Variants in RERE observed in about 807,000 individuals in gnomAD.
RERE encodes arginine-glutamic acid dipeptide repeats.
In RERE, 40 loss-of-function variants were observed where a neutral mutation model predicts 146.1. That is an observed-to-expected ratio of 0.27 (90% confidence interval 0.21 to 0.36). The LOEUF is 0.36. Ranked by LOEUF, RERE falls within the 10% of genes least tolerant of loss-of-function variation. The probability of loss-of-function intolerance (pLI) is 1.00; values close to 1 mark genes in which losing one functional copy is unlikely to be tolerated. For missense variants in RERE, 1,933 were observed against 2,138.7 expected, an observed-to-expected ratio of 0.90 and a Z score of 1.90; for synonymous variants, 1,003 against 866.0, an observed-to-expected ratio of 1.16 and a Z score of -2.78.
intron 1 of RERE, among the ~76,000 whole-genome samples, chr1:8,685,277 A>G (rs577552819): frequency 1.3e-5 from 2 of 152,358 alleles, no homozygotes; most frequent in African/African-American, 2.4e-5. Flanking sequence ...GAAGCATTTT[A>G]TATTTGCTAA....
At chr1:8,754,310 TC>T (rs1473080253) in intron 1 of RERE, among the ~76,000 whole-genome samples, 1 of 152,112 alleles carries the variant, frequency 6.6e-6, no homozygotes, top group Non-Finnish European at 1.5e-5. Context: ...CGTTTCAGCT[TC>T]CCAGAAGATT....
chr1:8,796,256 T>C (rs890595199), intron 1 of RERE, among the ~76,000 whole-genome samples: 9 of 152,114 alleles, frequency 5.9e-5, no homozygotes, highest in Admixed American at 3.9e-4. Context: ...AGCCAGGAAA[T>C]AGCCTTCAAG....
chr1:8,363,866 C>G, intron 15 of RERE, 190 bp downstream of exon 15: 2 of 609,902 alleles, frequency 3.3e-6, no homozygotes, highest in South Asian at 4.0e-5. Flanking sequence ...ACCCTGGGGC[C>G]CCTCGAAGGA....
chr1:8,735,796 C>T (rs754712336), intron 1 of RERE, among the ~76,000 whole-genome samples: 1 of 152,166 alleles, frequency 6.6e-6, no homozygotes. Context: ...TGTGAAGATG[C>T]CTGCTCCAGC....
intron 1 of RERE, among the ~76,000 whole-genome samples, chr1:8,686,105 C>T (rs2895941): frequency 0.83 from 125,696 of 151,918 alleles, 52,218 homozygotes; most frequent in East Asian, 0.94. Context: ...CCTCAGACTC[C>T]CAAGTAGCTG....
chr1:8,810,068 C>T (rs371127954), intron 1 of RERE, among the ~76,000 whole-genome samples: 2 of 151,690 alleles, frequency 1.3e-5, no homozygotes, highest in East Asian at 3.9e-4. Context: ...TGCAGTGGAG[C>T]GATCTCAGCT....
rs2784735 is a variant in RERE, at chr1:8,361,032, C to A, written c.2475G>T (p.Pro825=). 2.8e-6 allele frequency: 4 copies of A among 1,430,350 alleles called. No homozygotes were observed. The African/African-American group carries it at 5.8e-5, about 21-fold the overall frequency. 88.6% of individuals were successfully genotyped at this position (1,430,350 alleles called of 1,614,324 possible). Residue 825 remains proline, a synonymous_variant, in exon 18 of 23, where the codon CCG becomes CCT. Coordinates refer to ENST00000400908, the MANE Select transcript of RERE (RefSeq NM_001042681.2). ...HPPPHPSPHP[P]LQPLTGSAGQ... is the part of the protein sequence containing the mutation. ...CCGCCGACCCAGTCAGAGGCTGCAG[C>A]GGGGGATGTGGCGAGGGATGCGGCG...
intron 12 of RERE, among the ~76,000 whole-genome samples, chr1:8,411,586 G>GT (rs1176750416): frequency 6.6e-6 from 1 of 152,028 alleles, no homozygotes; most frequent in Non-Finnish European, 1.5e-5. Context: ...GGACCTTTCA[G>GT]GTCAACCCAT....
intron 11 of RERE, among the ~76,000 whole-genome samples, chr1:8,440,529 C>T (rs555841994): frequency 1.1e-4 from 16 of 145,346 alleles, no homozygotes; most frequent in African/African-American, 3.9e-4. Context: ...AGTCAGAGGT[C>T]GCAGTAAGCC....
rs765940231 is a variant in RERE, at chr1:8,361,218, C to T, written c.2289G>A (p.Thr763=). The T allele has an allele frequency of 2.6e-5, 40 of 1,526,694 alleles. No homozygotes were observed. Among genetic ancestry groups the T allele is most frequent in the East Asian group, 6.8e-5 (3 of 43,930 alleles). The allele number at this position is 1,526,694 out of a possible 1,614,324, so 94.6% of individuals were successfully genotyped here. A position where few individuals can be genotyped will look rare whatever the true frequency, so the allele number is the denominator to read the frequency against. Residue 763 remains threonine (T), a synonymous_variant, in exon 18 of 23, where the codon ACG becomes ACA. Coordinates refer to ENST00000400908, the MANE Select transcript of RERE (RefSeq NM_001042681.2). ...CAGTGGCAGAGGGCGTGGGCCCTGG[C>T]GTGGGCAGCTGAGGGGTCCCTGGAG... ...SAPPGTPQLP[T]PGPTPSATAV...
intron 1 of RERE, among the ~76,000 whole-genome samples, chr1:8,807,601 G>A (rs1333791604): frequency 1.3e-5 from 2 of 152,098 alleles, no homozygotes; most frequent in Non-Finnish European, 2.9e-5. Context: ...ATCGGATTGG[G>A]TCAAGAGTCC....
At chr1:8,814,559 T>C (rs1016832001) in intron 1 of RERE, among the ~76,000 whole-genome samples, 2 of 152,180 alleles carry the variant, frequency 1.3e-5, no homozygotes, top group Non-Finnish European at 2.9e-5. Flanking sequence ...GGCCACTACA[T>C]TTGCAAAATT....
At chr1:8,665,651 A>G (rs1638554116) in intron 1 of RERE, among the ~76,000 whole-genome samples, 1 of 152,184 alleles carries the variant, frequency 6.6e-6, no homozygotes, top group African/African-American at 2.4e-5. Context: ...GCTACAGGGG[A>G]AAAAGAGCAG....
At chr1:8,526,017 G>A (rs916605079) in intron 7 of RERE, 2 of 1,270,422 alleles carry the variant, frequency 1.6e-6, no homozygotes, top group Admixed American at 4.3e-5. Context: ...TCCACACACT[G>A]TCTCTCCACG....
chr1:8,523,559 T>G (rs1047259541), intron 7 of RERE, among the ~76,000 whole-genome samples: 91 of 152,158 alleles, frequency 6.0e-4, no homozygotes, highest in African/African-American at 2.1e-3. Context: ...TGCTGTTCCC[T>G]CACCTCCTCC....
intron 4 of RERE, among the ~76,000 whole-genome samples, chr1:8,593,976 C>T (rs1159146640): frequency 6.6e-6 from 1 of 152,144 alleles, no homozygotes; most frequent in Non-Finnish European, 1.5e-5. Context: ...GAAAACACCT[C>T]ATTTTATATG....
At chr1:8,406,736 G>A (rs1643451607) in intron 12 of RERE, among the ~76,000 whole-genome samples, 3 of 152,120 alleles carry the variant, frequency 2.0e-5, no homozygotes, top group Admixed American at 1.3e-4. Context: ...TTGGGAGAGG[G>A]AGAATAGTTC....
At chr1:8,382,019 G>A (rs558334491) in intron 12 of RERE, among the ~76,000 whole-genome samples, 3 of 152,328 alleles carry the variant, frequency 2.0e-5, no homozygotes, top group African/African-American at 7.2e-5. Flanking sequence ...TGCCTTAAGA[G>A]CACTCAGGAA....
chr1:8,793,174 A>AAAGAAAG (rs1553150073), intron 1 of RERE, among the ~76,000 whole-genome samples: 1 of 127,060 alleles, frequency 7.9e-6, no homozygotes, highest in Non-Finnish European at 1.6e-5. Flanking sequence ...AAAAAAAAAA[A>AAAGAAAG]AAAGAAAGAA....
Sources: gnomAD v4.1 joint callset for allele counts (sites outside exome capture counted in the v4.1 genomes callset) on GRCh38, gnomAD v4.1.1 for gene constraint, MANE v1.5 for transcripts, NCBI Gene and HGNC (gene_info 2026-07-23, HGNC 2026-07-21) for gene names.